Variants in KCNIP4 observed in about 807,000 individuals in gnomAD.
KCNIP4 encodes the protein potassium voltage-gated channel interacting protein 4.
In KCNIP4, 12 loss-of-function variants were observed where a neutral mutation model predicts 34.0. The ratio of observed to expected loss-of-function variants is 0.35; its 90% confidence interval spans 0.23 to 0.57. The LOEUF (loss-of-function observed/expected upper bound fraction) is 0.57. Among genes scored for constraint, KCNIP4 ranks in the 20% least tolerant of loss-of-function variants. The pLI, the probability that KCNIP4 is intolerant of heterozygous loss-of-function variation, is 0.83. For missense variants in KCNIP4, 238 were observed against 311.7 expected, an observed-to-expected ratio of 0.76 and a Z score of 1.78; for synonymous variants, 124 against 102.2, an observed-to-expected ratio of 1.21 and a Z score of -1.29.
chr4:21,657,050 C>G (rs932968949), intron 1 of KCNIP4, among the ~76,000 whole-genome samples: 5 of 152,146 alleles, frequency 3.3e-5, no homozygotes, highest in African/African-American at 1.2e-4. Context: ...ATTCAGGAAG[C>G]CTTCCCTGAC....
chr4:21,469,065 T>C (rs1730237101), intron 1 of KCNIP4, among the ~76,000 whole-genome samples: 1 of 152,044 alleles, frequency 6.6e-6, no homozygotes, highest in South Asian at 2.1e-4. Flanking sequence ...TTTATTTATG[T>C]TATTATTATT....
chr4:20,802,735 GCTTA>G (rs1714492458), intron 3 of KCNIP4, among the ~76,000 whole-genome samples: 2 of 152,166 alleles, frequency 1.3e-5, no homozygotes. Context: ...TAAACAACAT[GCTTA>G]AACAACAAAT....
chr4:21,606,798 G>A (rs1010058964), intron 1 of KCNIP4, among the ~76,000 whole-genome samples: 1 of 152,008 alleles, frequency 6.6e-6, no homozygotes, highest in African/African-American at 2.4e-5. Flanking sequence ...TTCACATGCT[G>A]GCCAAGCTGG....
At chr4:20,884,742 C>G (rs982501893) in intron 1 of KCNIP4, among the ~76,000 whole-genome samples, 1 of 145,134 alleles carries the variant, frequency 6.9e-6, no homozygotes, top group Non-Finnish European at 1.5e-5. Flanking sequence ...GAGTCTCACT[C>G]TGTTGCCCAG....
chr4:21,648,554 A>G (rs906928956), intron 1 of KCNIP4, among the ~76,000 whole-genome samples: 6 of 152,218 alleles, frequency 3.9e-5, no homozygotes, highest in African/African-American at 1.4e-4. Context: ...CACCTTCCAC[A>G]GTCTCAAGCT....
chr4:21,716,227 TC>T (rs1437382094), intron 1 of KCNIP4, among the ~76,000 whole-genome samples: 2 of 152,028 alleles, frequency 1.3e-5, no homozygotes, highest in Non-Finnish European at 2.9e-5. Context: ...AACATAATAG[TC>T]TTTTTTTAAT....
At chr4:21,403,119 G>T (rs1269682354) in intron 1 of KCNIP4, among the ~76,000 whole-genome samples, 1 of 152,170 alleles carries the variant, frequency 6.6e-6, no homozygotes, top group African/African-American at 2.4e-5. Context: ...TCCTTGAAAT[G>T]TCTTCTTCCC....
intron 1 of KCNIP4, among the ~76,000 whole-genome samples, chr4:21,654,045 T>C (rs1445134151): frequency 6.6e-6 from 1 of 152,240 alleles, no homozygotes; most frequent in African/African-American, 2.4e-5. Context: ...ATTTATATCC[T>C]AGGATAGTAG....
intron 1 of KCNIP4, among the ~76,000 whole-genome samples, chr4:21,168,606 C>T (rs974327012): frequency 1.3e-5 from 2 of 152,070 alleles, no homozygotes; most frequent in African/African-American, 4.8e-5. Context: ...GTCCTAATTT[C>T]CAAAATTTTC....
intron 4 of KCNIP4, among the ~76,000 whole-genome samples, chr4:20,751,163 C>T (rs911026201): frequency 1.1e-4 from 16 of 152,210 alleles, no homozygotes; most frequent in African/African-American, 3.9e-4. Context: ...TCATCTCTCA[C>T]CTTTTTAATA....
At chr4:21,717,789 C>T (rs573475741) in intron 1 of KCNIP4, among the ~76,000 whole-genome samples, 17 of 152,240 alleles carry the variant, frequency 1.1e-4, no homozygotes, top group South Asian at 6.2e-4. Flanking sequence ...CCCACTCCTG[C>T]GTAATAGTTC....
intron 2 of KCNIP4, among the ~76,000 whole-genome samples, chr4:20,864,223 C>A (rs920775763): frequency 1.4e-5 from 2 of 144,502 alleles, no homozygotes; most frequent in African/African-American, 5.1e-5. Flanking sequence ...TGTATATATG[C>A]ATATATATGT....
chr4:21,686,080 A>G (rs1240971280), intron 1 of KCNIP4, among the ~76,000 whole-genome samples: 1 of 152,216 alleles, frequency 6.6e-6, no homozygotes, highest in African/African-American at 2.4e-5. Context: ...TTCTTTTTGT[A>G]TCTCCCATCA....
At chr4:21,277,993 T>A (rs1465359674) in intron 1 of KCNIP4, among the ~76,000 whole-genome samples, 1 of 152,150 alleles carries the variant, frequency 6.6e-6, no homozygotes, top group African/African-American at 2.4e-5. Context: ...AGTAAAGCTT[T>A]AAAAAATCGG....
At chr4:21,121,580 T>C (rs1333190263) in intron 1 of KCNIP4, among the ~76,000 whole-genome samples, 1 of 152,256 alleles carries the variant, frequency 6.6e-6, no homozygotes, top group Non-Finnish European at 1.5e-5. Context: ...GAACATGTTT[T>C]ATTAAAATAC....
intron 1 of KCNIP4, among the ~76,000 whole-genome samples, chr4:20,981,616 T>C (rs75455190): frequency 1.3e-5 from 2 of 152,182 alleles, no homozygotes; most frequent in Non-Finnish European, 2.9e-5. Flanking sequence ...CTTTACTGGA[T>C]TGTAGTTGTC....
intron 1 of KCNIP4, among the ~76,000 whole-genome samples, chr4:21,247,584 T>TATATATATATAG (rs949474721): frequency 2.1e-5 from 3 of 144,060 alleles, no homozygotes; most frequent in Non-Finnish European, 4.5e-5. Context: ...AATACATATA[T>TATATATATATAG]ATATATATAC....
At chr4:21,436,113 A>G (rs1307652891) in intron 1 of KCNIP4, among the ~76,000 whole-genome samples, 1 of 152,194 alleles carries the variant, frequency 6.6e-6, no homozygotes, top group Non-Finnish European at 1.5e-5. Context: ...TCTGGCTAAA[A>G]GGGGGTTCAT....
At chr4:21,002,069 T>A (rs1376035410) in intron 1 of KCNIP4, among the ~76,000 whole-genome samples, 3 of 152,218 alleles carry the variant, frequency 2.0e-5, no homozygotes, top group Admixed American at 2.0e-4. Flanking sequence ...AACTTTGTTA[T>A]AGTCTGTTTC....
Sources: gnomAD v4.1 joint callset for allele counts (sites outside exome capture counted in the v4.1 genomes callset) on GRCh38, gnomAD v4.1.1 for gene constraint, MANE v1.5 for transcripts, NCBI Gene and HGNC (gene_info 2026-07-23, HGNC 2026-07-21) for gene names.